Variants in DDB2 observed in about 807,000 individuals in gnomAD.
DDB2 encodes damage specific DNA binding protein 2.
Under a neutral mutation model 50.5 loss-of-function variants are expected in DDB2, and 27 were observed. The ratio of observed to expected loss-of-function variants is 0.53; its 90% CI spans 0.39 to 0.74. The LOEUF (loss-of-function observed/expected upper bound fraction) is 0.74, where lower values mean the gene tolerates loss of function less well. DDB2 is among the 30% of genes least tolerant of loss of function. The pLI is 0.00. For synonymous variants in DDB2, 176 were observed against 205.5 expected, an observed-to-expected ratio of 0.86 and a Z score of 1.23; for missense variants, 424 against 545.6, an observed-to-expected ratio of 0.78 and a Z score of 2.22.
At chr11:47,226,643 C>G (rs757139403) in intron 3 of DDB2, among the ~76,000 whole-genome samples, 1 of 151,648 alleles carries the variant, frequency 6.6e-6, no homozygotes, top group Non-Finnish European at 1.5e-5. Context: ...ATTTGCATTT[C>G]TCTAATGATT....
chr11:47,225,911 A>G (rs1291686783), intron 3 of DDB2, among the ~76,000 whole-genome samples: 1 of 152,240 alleles, frequency 6.6e-6, no homozygotes, highest in Non-Finnish European at 1.5e-5. Flanking sequence ...CAGTGTTTTA[A>G]GATTCATCCA....
chr11:47,235,164 C>A, intron 6 of DDB2, 106 bp from the exon 7 acceptor site: 2 of 1,511,212 alleles, frequency 1.3e-6, no homozygotes, highest in East Asian at 2.3e-5. Context: ...CCGCTCCTGT[C>A]TAGAGAGGAG....
At chr11:47,219,857 G>C (rs1269531033) in intron 3 of DDB2, among the ~76,000 whole-genome samples, 1 of 152,064 alleles carries the variant, frequency 6.6e-6, no homozygotes, top group Non-Finnish European at 1.5e-5. Context: ...GCGCAATCTC[G>C]GCTCACTGCA....
At chr11:47,216,785 AAGGAG>A (rs1953405989) in intron 2 of DDB2, 68 bp from the exon 3 acceptor site, 46 of 1,473,256 alleles carry the variant, frequency 3.1e-5, no homozygotes, top group Non-Finnish European at 4.2e-5. Context: ...CTCATCCATG[AAGGAG>A]GCAGAGATTG....
At chr11:47,235,530 C>A in intron 7 of DDB2, 118 bp downstream of exon 7, 1 of 1,088,876 alleles carries the variant, frequency 9.2e-7, no homozygotes, top group Non-Finnish European at 1.4e-6. Context: ...TCGCTCCTGG[C>A]CCGAGCACAG....
Position 47,216,359 on chromosome 11 carries a change from G to A in DDB2, c.151G>A (p.Asp51Asn), listed in dbSNP as rs1270242220. ...AGGTCCTAGCAGAAGATGTGACTCA[G>A]ACTGCCTCTGGGTGGGGCTGGCTGG... ...GSGPSRRCDS[D>N]CLWVGLAGPQ... The change falls in exon 2 of 10, where the codon GAC (aspartate) becomes AAC (asparagine). Residue 51 changes from aspartate (D) to asparagine (N), a missense_variant. Asp to Asn is a conservative substitution (Grantham distance 23). Coordinates refer to ENST00000256996, the MANE Select transcript of DDB2 (RefSeq NM_000107.3). The A allele has an allele frequency of 6.2e-7, 1 of 1,614,056 alleles. No homozygotes were observed. Among genetic ancestry groups the A allele is most frequent in the Non-Finnish European group, 8.5e-7 (1 of 1,180,046 alleles).
chr11:47,221,654 A>G (rs995316545), intron 3 of DDB2: 1 of 152,304 alleles, frequency 6.6e-6, no homozygotes, highest in Non-Finnish European at 1.5e-5. Flanking sequence ...CGTGTTGGCC[A>G]GGCTCGTCTT....
intron 6 of DDB2, 99 bp downstream of exon 6, chr11:47,235,033 C>T: frequency 7.0e-7 from 1 of 1,421,200 alleles, no homozygotes; most frequent in Non-Finnish European, 9.8e-7. Context: ...AAACCTTTAC[C>T]CCTGATAGCG....
At chr11:47,216,100 G>A (rs1953396653) in intron 1 of DDB2, 2 of 654,514 alleles carry the variant, frequency 3.1e-6, no homozygotes, top group Non-Finnish European at 5.5e-6. Context: ...CTGCACGACT[G>A]TATTTACTTT....
chr11:47,228,870 T>C (rs866776780), intron 3 of DDB2, among the ~76,000 whole-genome samples: 1 of 150,964 alleles, frequency 6.6e-6, no homozygotes, highest in South Asian at 2.1e-4. Flanking sequence ...GGCTGGAGAA[T>C]TGTTTAAACC....
At chr11:47,231,119 CAAAAAAAAAA>C (rs139290057) in intron 3 of DDB2, among the ~76,000 whole-genome samples, 3 of 58,366 alleles carry the variant, frequency 5.1e-5, no homozygotes, top group Non-Finnish European at 9.4e-5. Context: ...GCCTTCATCT[CAAAAAAAAAA>C]AAAAAAAAAA....
chr11:47,235,926 CTTTTTTTTTTTTT>C (rs10677833), intron 7 of DDB2: 3 of 61,824 alleles, frequency 4.9e-5, no homozygotes, highest in Admixed American at 5.9e-4. Flanking sequence ...CAGGCTGATC[CTTTTTTTTTTTTT>C]TTTTTTTTTT....
chr11:47,231,667 C>CA (rs1388755961), intron 3 of DDB2, among the ~76,000 whole-genome samples: 2 of 152,118 alleles, frequency 1.3e-5, no homozygotes, highest in Non-Finnish European at 2.9e-5. Flanking sequence ...GAACCACATG[C>CA]ACCTACCACC....
At position 47,225,596 on chromosome 11, in the gene DDB2, T is replaced by TA. The variant is rs749409835; in HGVS notation, c.457-7218_457-7217insA. On this transcript the variant is annotated intron_variant, in intron 3 of 9. Coordinates refer to ENST00000256996, the MANE Select transcript of DDB2 (RefSeq NM_000107.3). ...AACAGAGCGAGACTCCATCTCTATT[T>TA]TAAAAAAAAAAAACAAAAAACTGGT... Among the ~76,000 whole-genome samples, 38 of 151,342 alleles carry TA rather than the reference T, an allele frequency of 2.5e-4. No individual in the cohort carries two copies. The East Asian group carries it at 6.4e-3, about 26-fold the overall frequency.
At chr11:47,232,746 G>T in intron 3 of DDB2, 68 bp from the exon 4 acceptor site, 4 of 1,583,498 alleles carry the variant, frequency 2.5e-6, no homozygotes, top group Non-Finnish European at 3.5e-6. Flanking sequence ...CGCAGCATGT[G>T]TGCCCAGGCC....
Position 47,234,927 on chromosome 11 carries a change from C to A in DDB2, c.873C>A (p.Val291=). ...ACTCGCTGCCGCACAGGCATCCTGT[C>A]AACGCAGGTGTGATATCCCAGACCT... The part of the protein sequence containing the change: ...FLYSLPHRHP[V]NAACFSPDGA... Residue 291 remains valine (V), a synonymous_variant, in exon 6 of 10, where the codon GTC becomes GTA. Coordinates refer to ENST00000256996, the MANE Select transcript of DDB2 (RefSeq NM_000107.3). The A allele has an allele frequency of 6.2e-7, 1 of 1,614,192 alleles. No individual in the cohort carries two copies. Among genetic ancestry groups the A allele is most frequent in the South Asian group, 1.1e-5 (1 of 91,066 alleles).
At chr11:47,216,703 G>A (rs1257700101) in intron 2 of DDB2, among the ~76,000 whole-genome samples, 155 bp from the exon 3 acceptor site, 1 of 152,146 alleles carries the variant, frequency 6.6e-6, no homozygotes, top group Non-Finnish European at 1.5e-5. Flanking sequence ...ATTCGTTCGT[G>A]TACATTGCAA....
chr11:47,238,838 A>T lies in DDB2; in HGVS notation c.1273A>T (p.Thr425Ser). The T allele has an allele frequency of 6.2e-7, 1 of 1,613,654 alleles. No homozygotes were observed. The change falls in exon 10 of 10, where the codon ACA becomes TCA. Residue 425 changes from threonine to serine, a missense_variant. By Grantham distance (58) the Thr-to-Ser change is moderately conservative. Coordinates refer to ENST00000256996, the MANE Select transcript of DDB2 (RefSeq NM_000107.3). ...ILIWSQEEAR[T>S]RK is the part of the protein sequence containing the mutation. Reference sequence around the variant, plus strand: ...CATCTGGAGCCAGGAGGAAGCCAGGACACGGAAGTGAGAGACACTAAAGAA... The same window carrying T: ...CATCTGGAGCCAGGAGGAAGCCAGGTCACGGAAGTGAGAGACACTAAAGAA...
chr11:47,233,666 G>T (rs1484661642), intron 4 of DDB2, among the ~76,000 whole-genome samples: 1 of 150,682 alleles, frequency 6.6e-6, no homozygotes, highest in Non-Finnish European at 1.5e-5. Context: ...CCGAGATGGC[G>T]CCATTGCACT....
Sources: allele counts gnomAD v4.1 joint callset (sites outside exome capture counted in the v4.1 genomes callset), GRCh38; gene constraint gnomAD v4.1.1; transcripts MANE v1.5; gene names NCBI Gene and HGNC (gene_info 2026-07-23, HGNC 2026-07-21).